PTPRK: variants seen among roughly 807,000 people sequenced by gnomAD.
The protein encoded by PTPRK is protein tyrosine phosphatase receptor type K, also known as receptor-type tyrosine-protein phosphatase kappa.
A neutral mutation model predicts 178.0 loss-of-function variants in PTPRK; 75 were observed. The observed-to-expected ratio is 0.42, with a 90% CI of 0.35 to 0.51. The LOEUF is 0.51. PTPRK is among the 20% of genes least tolerant of loss of function. The pLI is 0.02. For synonymous variants in PTPRK, 637 were observed against 620.6 expected (o/e 1.03, Z -0.39); for missense variants, 1,441 against 1,797.8 (o/e 0.80, Z 3.59).
chr6:128,244,087 G>A (rs982239730), intron 3 of PTPRK, among the ~76,000 whole-genome samples: 101 of 152,116 alleles, frequency 6.6e-4, no homozygotes. Flanking sequence ...TAGACTACTA[G>A]GTGAATGATG....
chr6:128,182,800 G>A (rs1802137916), intron 7 of PTPRK, among the ~76,000 whole-genome samples: 1 of 152,034 alleles, frequency 6.6e-6, no homozygotes. Flanking sequence ...AATCTCCATG[G>A]CTTTCACATC....
At chr6:128,209,585 C>A (rs960370713) in intron 6 of PTPRK, among the ~76,000 whole-genome samples, 3 of 152,142 alleles carry the variant, frequency 2.0e-5, no homozygotes, top group African/African-American at 4.8e-5. Flanking sequence ...TCATATGGCA[C>A]TTTATACCTC....
At chr6:128,218,293 T>TA (rs1451280966) in intron 6 of PTPRK, among the ~76,000 whole-genome samples, 1 of 152,236 alleles carries the variant, frequency 6.6e-6, no homozygotes, top group Non-Finnish European at 1.5e-5. Flanking sequence ...AGAGGGACTC[T>TA]ATACATCTTA....
chr6:128,088,780 G>GAA (rs1786403012), intron 8 of PTPRK, among the ~76,000 whole-genome samples: 1 of 152,026 alleles, frequency 6.6e-6, no homozygotes, highest in Non-Finnish European at 1.5e-5. Flanking sequence ...GTAACACACA[G>GAA]AAATTAGACA....
intron 2 of PTPRK, among the ~76,000 whole-genome samples, chr6:128,332,318 A>T (rs1490889147): frequency 6.6e-6 from 1 of 152,178 alleles, no homozygotes; most frequent in Non-Finnish European, 1.5e-5. Context: ...ATAGGTTTTG[A>T]TTTCCTTTCC....
At chr6:127,983,847 T>C (rs748720366) in intron 22 of PTPRK, among the ~76,000 whole-genome samples, 6 of 152,082 alleles carry the variant, frequency 3.9e-5, no homozygotes, top group Non-Finnish European at 7.4e-5. Flanking sequence ...AGAAAATTAA[T>C]TCCCAAAACT....
In PTPRK at chr6:127,973,729, T is replaced by C; in HGVS notation, c.4068A>G (p.Ile1356Met). 6.2e-7 allele frequency: 1 copy of C among 1,614,032 alleles called. No homozygotes were observed. The highest frequency in any genetic ancestry group is 8.5e-7 in the Non-Finnish European group (1 of 1,179,950). ...PGSKRSFLKL[I>M]LQVEKWQEEC... is the part of the protein sequence containing the mutation. ...CCTCCTGCCACTTTTCCACCTGAAG[T>C]ATCAGTTTCAAGAATGACCTTTTGG... The change falls in exon 28 of 30, where the codon ATA becomes ATG. Residue 1356 changes from isoleucine (I) to methionine (M), a missense_variant. Ile to Met is a conservative substitution (Grantham distance 10). This residue lies in a region of PTPRK where 335 missense variants were observed against 512.4 expected (regional missense o/e 0.65). Coordinates refer to ENST00000368226, the MANE Select transcript of PTPRK (RefSeq NM_002844.4).
intron 6 of PTPRK, among the ~76,000 whole-genome samples, chr6:128,193,447 A>G (rs1336952775): frequency 6.6e-6 from 1 of 151,894 alleles, no homozygotes; most frequent in Non-Finnish European, 1.5e-5. Context: ...GATCAATAAG[A>G]AATTGTATAT....
At position 128,083,829 on chromosome 6, in the gene PTPRK, A is replaced by G. The variant is rs1582921040; in HGVS notation, c.1466-5T>C. On this transcript the variant is annotated splice_polypyrimidine_tract_variant and splice_region_variant and intron_variant, in intron 8 of 29. Transcript: ENST00000368226. ...TTACTGGTACGGGACCAGGCACTACAAAACACATGAATTTTTTGTTATGAA... is the reference window on the plus strand; with the variant it reads ...TTACTGGTACGGGACCAGGCACTACGAAACACATGAATTTTTTGTTATGAA... 1 of 1,511,988 alleles carries G rather than the reference A, an allele frequency of 6.6e-7. No individual in the cohort carries two copies. Among genetic ancestry groups the G allele is most frequent in the Non-Finnish European group, 9.0e-7 (1 of 1,116,858 alleles). The allele number at this position is 1,511,988 out of a possible 1,614,324, so 93.7% of individuals were successfully genotyped here.
At chr6:128,249,035 G>T (rs1219460223) in intron 3 of PTPRK, among the ~76,000 whole-genome samples, 1 of 152,016 alleles carries the variant, frequency 6.6e-6, no homozygotes, top group Non-Finnish European at 1.5e-5. Flanking sequence ...ATGAGAAGAT[G>T]CATAAAAATG....
intron 1 of PTPRK, among the ~76,000 whole-genome samples, chr6:128,449,941 CAA>C (rs5879890): frequency 0.032 from 4,136 of 128,286 alleles, 83 homozygotes; most frequent in African/African-American, 0.054. Flanking sequence ...ACTAAAAATG[CAA>C]AAAAAAAAAA....
At chr6:128,307,255 GA>G (rs1826547730) in intron 3 of PTPRK, among the ~76,000 whole-genome samples, 1 of 144,888 alleles carries the variant, frequency 6.9e-6, no homozygotes, top group Admixed American at 6.8e-5. Context: ...AAAAAACACA[GA>G]AAAAAATGTA....
At chr6:128,471,046 T>C (rs1408620442) in intron 1 of PTPRK, among the ~76,000 whole-genome samples, 3 of 151,978 alleles carry the variant, frequency 2.0e-5, no homozygotes, top group Non-Finnish European at 4.4e-5. Flanking sequence ...TTAGAATATA[T>C]GATAATGCCT....
chr6:128,156,451 G>A (rs1797964191), intron 7 of PTPRK, among the ~76,000 whole-genome samples: 1 of 151,842 alleles, frequency 6.6e-6, no homozygotes, highest in African/African-American at 2.4e-5. Context: ...AAGGTGAAGG[G>A]GAAGTAAGCA....
At chr6:128,460,196 T>C (rs1362572481) in intron 1 of PTPRK, among the ~76,000 whole-genome samples, 1 of 152,128 alleles carries the variant, frequency 6.6e-6, no homozygotes, top group Non-Finnish European at 1.5e-5. Context: ...TAATAATACA[T>C]TATTGATTAT....
chr6:128,355,309 TCTATCCATG>T (rs1833803564), intron 2 of PTPRK, among the ~76,000 whole-genome samples: 1 of 152,190 alleles, frequency 6.6e-6, no homozygotes, highest in African/African-American at 2.4e-5. Flanking sequence ...AAAATAAATT[TCTATCCATG>T]CTATCTAAAT....
chr6:128,053,669 G>T (rs1779430287), intron 13 of PTPRK, among the ~76,000 whole-genome samples: 1 of 152,128 alleles, frequency 6.6e-6, no homozygotes, highest in Non-Finnish European at 1.5e-5. Flanking sequence ...ACATGGGGTT[G>T]TGCCACCCAC....
Position 127,973,084 on chromosome 6 carries a change from C to A in PTPRK, c.4207G>T (p.Val1403Phe), listed in dbSNP as rs1412576677. The A allele has an allele frequency of 1.9e-6, 3 of 1,613,976 alleles. No homozygotes were observed. Among genetic ancestry groups the A allele is most frequent in the Non-Finnish European group, 2.5e-6 (3 of 1,179,992 alleles). Residue 1403 changes from valine (V) to phenylalanine (F), a missense_variant, in exon 29 of 30, where the codon GTC becomes TTC. This residue lies in a region of PTPRK where 335 missense variants were observed against 512.4 expected (regional missense o/e 0.65). Coordinates refer to ENST00000368226, the MANE Select transcript of PTPRK (RefSeq NM_002844.4). ...GTCTTTACTGCATGGAAAACATCGA[C>A]AACATTTTGCCGTTTCACCATTTCA... ...VVEMVKRQNV[V>F]DVFHAVKTLR...
At chr6:128,469,435 A>G (rs1348779442) in intron 1 of PTPRK, among the ~76,000 whole-genome samples, 2 of 152,182 alleles carry the variant, frequency 1.3e-5, no homozygotes, top group Non-Finnish European at 2.9e-5. Context: ...TATTATTGTT[A>G]TTTACTAACA....
Sources: gnomAD v4.1 joint callset for allele counts (sites outside exome capture counted in the v4.1 genomes callset) on GRCh38, gnomAD v4.1.1 for gene constraint, gnomAD v4.1.1 regional missense constraint, MANE v1.5 for transcripts, NCBI Gene and HGNC (gene_info 2026-07-23, HGNC 2026-07-21) for gene names.